The following ROBO1 variants were observed in gnomAD, a reference collection of about 807,000 sequenced individuals.
The protein encoded by ROBO1 is roundabout homolog 1.
ROBO1 carries 149 observed loss-of-function variants against 195.9 expected under a neutral mutation model. The observed-to-expected ratio is 0.76, with a 90% CI of 0.67 to 0.87. The LOEUF is 0.87. Among genes scored for constraint, ROBO1 ranks in the 40% least tolerant of loss-of-function variants. The pLI is 0.00. For synonymous variants in ROBO1, 816 were observed against 733.2 expected (o/e 1.11, Z -1.82); for missense variants, 1,933 against 2,068.3 (o/e 0.93, Z 1.27).
intron 3 of ROBO1, among the ~76,000 whole-genome samples, chr3:79,072,685 A>T (rs1369494298): frequency 6.6e-6 from 1 of 151,950 alleles, no homozygotes; most frequent in Admixed American, 6.6e-5. Context: ...ACAGGATAAA[A>T]TTTTTATGTA....
At chr3:79,580,569 A>C (rs1273953252) in intron 2 of ROBO1, among the ~76,000 whole-genome samples, 2 of 152,126 alleles carry the variant, frequency 1.3e-5, no homozygotes, top group Non-Finnish European at 2.9e-5. Flanking sequence ...AAGAGAATAA[A>C]AGTTTGTTAC....
chr3:78,631,102 G>T, intron 25 of ROBO1, 59 bp downstream of exon 25: 1 of 1,538,544 alleles, frequency 6.5e-7, no homozygotes, highest in Non-Finnish European at 8.8e-7. Context: ...AATAATTGCT[G>T]AAAATGGGCT....
intron 3 of ROBO1, among the ~76,000 whole-genome samples, chr3:79,112,165 G>A (rs1274514728): frequency 6.6e-6 from 1 of 152,108 alleles, no homozygotes; most frequent in Non-Finnish European, 1.5e-5. Context: ...TTGCATCTGT[G>A]GCATGGATTA....
In ROBO1 at chr3:79,533,110, C is replaced by T. The variant is rs1226903490; in HGVS notation, c.88+56714G>A. 6.9e-6 allele frequency: 3 copies of T among 434,568 alleles called. No individual in the cohort carries two copies. In the East Asian group the frequency reaches 2.3e-4, roughly 33 times the overall value. 26.9% of individuals were successfully genotyped at this position (434,568 alleles called of 1,614,324 possible). ...CTTGGTTCTTTAGTAGGCTTGAGCC[C>T]TGGAGGGAGAATAGGGAGAGGGCAC... On this transcript the variant is annotated intron_variant, in intron 2 of 30. Transcript: ENST00000464233.
intron 2 of ROBO1, among the ~76,000 whole-genome samples, chr3:79,319,787 G>T (rs2033895472): frequency 6.6e-6 from 1 of 151,986 alleles, no homozygotes; most frequent in Non-Finnish European, 1.5e-5. Flanking sequence ...AATAAAAAAT[G>T]CCTACCATAA....
chr3:79,415,791 G>A (rs1411568492), intron 2 of ROBO1, among the ~76,000 whole-genome samples: 3 of 152,082 alleles, frequency 2.0e-5, no homozygotes, highest in African/African-American at 7.2e-5. Flanking sequence ...GAAATAAAAG[G>A]AAATGGAAAA....
At chr3:79,297,584 T>A (rs964137) in intron 2 of ROBO1, among the ~76,000 whole-genome samples, 41,143 of 151,954 alleles carry the variant, frequency 0.27, 6,591 homozygotes, top group African/African-American at 0.45. Flanking sequence ...CTGATCTCAC[T>A]CTGAAATTAA....
intron 2 of ROBO1, among the ~76,000 whole-genome samples, chr3:79,490,437 T>C (rs1285002104): frequency 1.3e-5 from 2 of 152,200 alleles, no homozygotes; most frequent in African/African-American, 4.8e-5. Flanking sequence ...TTCTCTGAAC[T>C]ATTCCAGTTG....
At chr3:78,687,912 T>A (rs2081086945) in intron 9 of ROBO1, among the ~76,000 whole-genome samples, 1 of 152,184 alleles carries the variant, frequency 6.6e-6, no homozygotes, top group Non-Finnish European at 1.5e-5. Flanking sequence ...ATTACAAGCA[T>A]GAGTCACTGT....
At chr3:79,115,399 G>C (rs911822167) in intron 3 of ROBO1, among the ~76,000 whole-genome samples, 1 of 152,094 alleles carries the variant, frequency 6.6e-6, no homozygotes, top group Non-Finnish European at 1.5e-5. Context: ...AGATATCACT[G>C]TCCTGGTGAA....
intron 2 of ROBO1, among the ~76,000 whole-genome samples, chr3:79,398,459 T>A (rs1356409125): frequency 6.6e-6 from 1 of 152,168 alleles, no homozygotes; most frequent in Non-Finnish European, 1.5e-5. Context: ...GTGTGTAGTA[T>A]TATTGAGTCC....
At chr3:79,019,277 C>CGTG in intron 3 of ROBO1, 2 of 985,890 alleles carry the variant, frequency 2.0e-6, no homozygotes, top group Non-Finnish European at 2.4e-6. Flanking sequence ...GGGCAGCTGC[C>CGTG]TGCACCCCTG....
chr3:78,614,108 C>A (rs181018411), intron 28 of ROBO1, among the ~76,000 whole-genome samples: 1 of 152,064 alleles, frequency 6.6e-6, no homozygotes, highest in Non-Finnish European at 1.5e-5. Flanking sequence ...TCCTGTGCTC[C>A]CTCGAGAATA....
intron 2 of ROBO1, among the ~76,000 whole-genome samples, chr3:79,300,723 G>A (rs1405081298): frequency 6.6e-6 from 1 of 152,304 alleles, no homozygotes; most frequent in South Asian, 2.1e-4. Flanking sequence ...CTAGCTCAGG[G>A]ATTGTAAATA....
intron 1 of ROBO1, among the ~76,000 whole-genome samples, chr3:79,729,614 A>C (rs1271334927): frequency 1.3e-5 from 2 of 152,126 alleles, no homozygotes; most frequent in South Asian, 4.1e-4. Flanking sequence ...TATTTTTCTC[A>C]TTTCTGACTG....
chr3:79,412,518 G>T (rs553061409), intron 2 of ROBO1, among the ~76,000 whole-genome samples: 1 of 152,122 alleles, frequency 6.6e-6, no homozygotes, highest in Non-Finnish European at 1.5e-5. Flanking sequence ...AGAGGTGGTT[G>T]TTAAGGAAAG....
intron 8 of ROBO1, among the ~76,000 whole-genome samples, chr3:78,699,884 A>T (rs912662987): frequency 6.6e-6 from 1 of 152,006 alleles, no homozygotes; most frequent in African/African-American, 2.4e-5. Context: ...CAGTCTTTAG[A>T]GCTCAGTTAA....
rs190284876 is a variant in ROBO1 at position 78,645,306 on chromosome 3, T to G, written c.2882+842A>C. Among the ~76,000 whole-genome samples, 169 of 152,230 alleles carry G rather than the reference T, an allele frequency of 1.1e-3. 1 individual carries two copies. The highest frequency in any genetic ancestry group is 3.6e-3 in the African/African-American group (151 of 41,562). On this transcript the variant is annotated intron_variant, in intron 21 of 30. Coordinates refer to ENST00000464233, the MANE Select transcript of ROBO1 (RefSeq NM_002941.4). ...CTTGAATTTAGGAATAATATCTTAC[T>G]CATTGTTATCTTTCTAGTAGCAGTC...
chr3:79,763,891 T>A (rs1443580984), intron 1 of ROBO1, among the ~76,000 whole-genome samples: 1 of 152,202 alleles, frequency 6.6e-6, no homozygotes, highest in Non-Finnish European at 1.5e-5. Flanking sequence ...CAAGGAATAA[T>A]CAAACTCCTT....
Sources: allele counts gnomAD v4.1 joint callset (sites outside exome capture counted in the v4.1 genomes callset), GRCh38; gene constraint gnomAD v4.1.1; transcripts MANE v1.5; gene names NCBI Gene and HGNC (gene_info 2026-07-23, HGNC 2026-07-21).